The following DPP10 variants were observed in gnomAD, a reference collection of about 807,000 sequenced individuals.
DPP10 encodes the protein inactive dipeptidyl peptidase 10.
In DPP10, 33 loss-of-function variants were observed where a neutral mutation model predicts 120.9. The observed-to-expected ratio is 0.27, with a 90% CI of 0.21 to 0.37. The LOEUF is 0.37. Ranked by LOEUF, DPP10 falls within the 10% of genes least tolerant of loss-of-function variation. DPP10 has a pLI of 1.00. For missense variants in DPP10, 816 were observed against 942.8 expected (o/e 0.87, Z 1.76); for synonymous variants, 337 against 326.1 (o/e 1.03, Z -0.36).
intron 2 of DPP10, among the ~76,000 whole-genome samples, chr2:115,331,923 A>T (rs1375096595): frequency 7.2e-5 from 11 of 152,066 alleles, no homozygotes; most frequent in Admixed American, 2.0e-4. Flanking sequence ...TGGTATCAGG[A>T]TGATGCTGGC....
chr2:115,689,799 A>T (rs1372442814), intron 6 of DPP10, 41 bp from the exon 7 acceptor site: 1 of 1,611,382 alleles, frequency 6.2e-7, no homozygotes, highest in Non-Finnish European at 8.5e-7. Context: ...GTTGGTGTAG[A>T]TATCAGTTTG....
chr2:115,455,806 A>G (rs1442848626), intron 3 of DPP10, among the ~76,000 whole-genome samples: 1 of 152,194 alleles, frequency 6.6e-6, no homozygotes, highest in East Asian at 1.9e-4. Context: ...CACCTTATAC[A>G]AAAATTAACT....
intron 1 of DPP10, among the ~76,000 whole-genome samples, chr2:114,620,770 A>G (rs1694032364): frequency 6.6e-6 from 1 of 152,038 alleles, no homozygotes; most frequent in Admixed American, 6.6e-5. Flanking sequence ...ACCTTTATCT[A>G]TACTTATAAT....
At chr2:115,125,263 A>C (rs554802502) in intron 1 of DPP10, among the ~76,000 whole-genome samples, 1 of 152,334 alleles carries the variant, frequency 6.6e-6, no homozygotes, top group African/African-American at 2.4e-5. Context: ...TCATCTTGTA[A>C]AAATCATCTC....
intron 1 of DPP10, chr2:115,161,857 C>A: frequency 8.2e-7 from 1 of 1,221,924 alleles, no homozygotes; most frequent in Non-Finnish European, 1.1e-6. Flanking sequence ...CCGCCGATTC[C>A]GGGAGCGACG....
intron 1 of DPP10, among the ~76,000 whole-genome samples, chr2:114,990,452 A>G (rs1470132979): frequency 6.6e-6 from 1 of 152,024 alleles, no homozygotes; most frequent in East Asian, 1.9e-4. Flanking sequence ...TATTTATTTT[A>G]CTGCCTTCAT....
chr2:115,836,352 T>C (rs538563193), intron 22 of DPP10, 96 bp downstream of exon 22: 2 of 1,379,736 alleles, frequency 1.4e-6, no homozygotes, highest in African/African-American at 2.9e-5. Context: ...ATTTATCATA[T>C]GTTATTAGAG....
chr2:115,432,749 A>T (rs943421179), intron 3 of DPP10, among the ~76,000 whole-genome samples: 2 of 150,384 alleles, frequency 1.3e-5, no homozygotes, highest in Admixed American at 6.7e-5. Flanking sequence ...TTCAGCAGGC[A>T]TGAAACAATG....
At chr2:114,710,941 T>C (rs1421683202) in intron 1 of DPP10, among the ~76,000 whole-genome samples, 1 of 152,056 alleles carries the variant, frequency 6.6e-6, no homozygotes. Context: ...GGGGTTAGGA[T>C]TTTACTTTCT....
chr2:115,161,694 C>A, intron 1 of DPP10: 1 of 368,238 alleles, frequency 2.7e-6, no homozygotes, highest in Non-Finnish European at 4.8e-6. Context: ...CGCCTCGCCG[C>A]CGCGGCTCGC....
chr2:115,674,048 C>CAAACA (rs747524920), intron 5 of DPP10, among the ~76,000 whole-genome samples: 396 of 151,966 alleles, frequency 2.6e-3, no homozygotes, highest in Middle Eastern at 0.01. Context: ...TCTGTCTCTA[C>CAAACA]AAACAAAACA....
intron 1 of DPP10, among the ~76,000 whole-genome samples, chr2:114,753,418 A>G (rs1017138861): frequency 6.6e-6 from 1 of 152,166 alleles, no homozygotes; most frequent in African/African-American, 2.4e-5. Flanking sequence ...CAACATTGGG[A>G]TAATGTAAGT....
chr2:114,680,307 C>A (rs1255357053), intron 1 of DPP10, among the ~76,000 whole-genome samples: 1 of 152,000 alleles, frequency 6.6e-6, no homozygotes, highest in Non-Finnish European at 1.5e-5. Context: ...CTCTAAACTA[C>A]AGAGCCATTT....
At chr2:115,767,244 G>A (rs2149808143) in intron 12 of DPP10, among the ~76,000 whole-genome samples, 1 of 152,108 alleles carries the variant, frequency 6.6e-6, no homozygotes, top group South Asian at 2.1e-4. Context: ...GAAAGCAAGA[G>A]AATGACAAAG....
At chr2:114,693,356 T>C (rs2105779938) in intron 1 of DPP10, among the ~76,000 whole-genome samples, 1 of 152,026 alleles carries the variant, frequency 6.6e-6, no homozygotes, top group African/African-American at 2.4e-5. Context: ...TCACCAGATA[T>C]GAAGTTCTAG....
At chr2:115,578,450 G>A (rs1366197515) in intron 5 of DPP10, among the ~76,000 whole-genome samples, 1 of 149,346 alleles carries the variant, frequency 6.7e-6, no homozygotes, top group Non-Finnish European at 1.5e-5. Flanking sequence ...AACCATTTAA[G>A]CTGCTTTCTT....
At chr2:115,102,884 T>G (rs1165300042) in intron 1 of DPP10, among the ~76,000 whole-genome samples, 4 of 152,210 alleles carry the variant, frequency 2.6e-5, no homozygotes, top group Non-Finnish European at 5.9e-5. Flanking sequence ...TCTGTGGCTA[T>G]GTAACAACAA....
At chr2:114,558,114 T>A (rs1489795952) in intron 1 of DPP10, among the ~76,000 whole-genome samples, 1 of 152,142 alleles carries the variant, frequency 6.6e-6, no homozygotes, top group Admixed American at 6.5e-5. Context: ...CAAAGAACAA[T>A]AAACACTTCT....
intron 3 of DPP10, among the ~76,000 whole-genome samples, chr2:115,474,011 G>A (rs1289836718): frequency 6.6e-6 from 1 of 152,152 alleles, no homozygotes; most frequent in Non-Finnish European, 1.5e-5. Context: ...GGGAAGTAGA[G>A]TGGAAATTGA....
Sources: allele counts gnomAD v4.1 joint callset (sites outside exome capture counted in the v4.1 genomes callset), GRCh38; gene constraint gnomAD v4.1.1; transcripts MANE v1.5; gene names NCBI Gene and HGNC (gene_info 2026-07-23, HGNC 2026-07-21).